The following MTMR14 variants were observed in gnomAD, a reference collection of about 807,000 sequenced individuals.
MTMR14 encodes the protein myotubularin related protein 14.
In MTMR14, 48 loss-of-function variants were observed where a neutral mutation model predicts 86.3. That is an observed-to-expected ratio of 0.56 (90% CI 0.44 to 0.71). The LOEUF is 0.71. MTMR14 is among the 30% of genes least tolerant of loss of function. The probability of loss-of-function intolerance (pLI) is 0.00; values close to 1 mark genes in which losing one functional copy is unlikely to be tolerated. For synonymous variants in MTMR14, 366 were observed against 326.1 expected (o/e 1.12, Z -1.32); for missense variants, 780 against 834.6 (o/e 0.93, Z 0.81).
At chr3:9,686,311 G>A (rs1012775697) in intron 13 of MTMR14, among the ~76,000 whole-genome samples, 15 of 152,276 alleles carry the variant, frequency 9.9e-5, no homozygotes, top group South Asian at 6.2e-4. Context: ...GGACTTTCCC[G>A]GAGCTCTGGG....
chr3:9,672,592 A>G (rs1041393659), intron 6 of MTMR14, 93 bp from the exon 7 acceptor site: 31 of 1,111,390 alleles, frequency 2.8e-5, no homozygotes, highest in Middle Eastern at 3.9e-4. Flanking sequence ...TTTTAGCAGA[A>G]GCTTCATTTG....
At chr3:9,673,880 A>T (rs2048709165) in intron 7 of MTMR14, among the ~76,000 whole-genome samples, 1 of 151,848 alleles carries the variant, frequency 6.6e-6, no homozygotes, top group Non-Finnish European at 1.5e-5. Flanking sequence ...GCTTCAGGGA[A>T]CCTCCTTTTC....
At chr3:9,673,565 C>A (rs1360735991) in intron 7 of MTMR14, among the ~76,000 whole-genome samples, 1 of 152,186 alleles carries the variant, frequency 6.6e-6, no homozygotes, top group Admixed American at 6.5e-5. Context: ...TTTCTCAGCA[C>A]CAGCATCTGC....
At chr3:9,653,389 C>G (rs1407788003) in intron 1 of MTMR14, among the ~76,000 whole-genome samples, 2 of 150,420 alleles carry the variant, frequency 1.3e-5, no homozygotes, top group African/African-American at 5.0e-5. Context: ...TGCTCAATAC[C>G]CACAATTTCA....
rs1272146015 is a variant in MTMR14 at position 9,678,173 on chromosome 3, C to T, written c.897+115C>T. The T allele has an allele frequency of 7.2e-6, 7 of 969,070 alleles. No individual in the cohort carries two copies. In the African/African-American group the frequency reaches 9.8e-5, roughly 14 times the overall value. 60.0% of individuals were successfully genotyped at this position (969,070 alleles called of 1,614,324 possible). On this transcript the variant is annotated intron_variant, in intron 9 of 18. Transcript: ENST00000296003. ...TTTGCCTGATGGGCTGGCTTGTGCA[C>T]TCAGATGCCTTTGGCCCTCTGTCCT...
intron 2 of MTMR14, among the ~76,000 whole-genome samples, chr3:9,661,017 T>G (rs2047899135): frequency 6.6e-6 from 1 of 152,196 alleles, no homozygotes; most frequent in Admixed American, 6.5e-5. Flanking sequence ...TTGCTGGAGC[T>G]AACTTCTAAA....
At chr3:9,666,139 T>TG (rs1163352454) in intron 3 of MTMR14, among the ~76,000 whole-genome samples, 1 of 148,062 alleles carries the variant, frequency 6.8e-6, no homozygotes, top group African/African-American at 2.6e-5. Context: ...GTTGGTTTTT[T>TG]TTTTTTTTTT....
chr3:9,655,751 A>T (rs2047565641), intron 2 of MTMR14, among the ~76,000 whole-genome samples: 1 of 150,616 alleles, frequency 6.6e-6, no homozygotes, highest in African/African-American at 2.4e-5. Flanking sequence ...GTGAGCCAGC[A>T]CACCCGGCCT....
chr3:9,690,189 C>G (rs1307384443), intron 17 of MTMR14, 46 bp downstream of exon 17: 8 of 1,604,032 alleles, frequency 5.0e-6, no homozygotes, highest in Non-Finnish European at 6.8e-6. Context: ...CTAGCTTTCC[C>G]CCTTAATAAG....
chr3:9,702,058 C>G lies in MTMR14; in HGVS notation c.*85C>G. Reference sequence around the variant, plus strand: ...AAAGCCATGCCTGGCCGAAGGGGTACTTCCAGGTCAGGGGAAATTTCAGTC... The same window carrying G: ...AAAGCCATGCCTGGCCGAAGGGGTAGTTCCAGGTCAGGGGAAATTTCAGTC... On this transcript the variant is annotated 3_prime_UTR_variant, in exon 19 of 19. Coordinates refer to ENST00000296003, the MANE Select transcript of MTMR14 (RefSeq NM_001077525.3). The G allele has an allele frequency of 6.4e-7, 1 of 1,561,134 alleles. No individual in the cohort carries two copies. The highest frequency in any genetic ancestry group is 8.8e-7 in the Non-Finnish European group (1 of 1,138,154).
intron 13 of MTMR14, among the ~76,000 whole-genome samples, chr3:9,686,948 C>T (rs887120668): frequency 7.2e-5 from 11 of 152,204 alleles, no homozygotes; most frequent in Non-Finnish European, 1.5e-5. Context: ...CTGCCTGTGC[C>T]CACCTCAAGC....
At chr3:9,691,375 A>G (rs1388357275) in intron 17 of MTMR14, among the ~76,000 whole-genome samples, 1 of 152,122 alleles carries the variant, frequency 6.6e-6, no homozygotes, top group Admixed American at 6.5e-5. Flanking sequence ...CTGCTGCCGC[A>G]CCACCCTTGT....
intron 17 of MTMR14, among the ~76,000 whole-genome samples, chr3:9,694,224 G>C (rs159147): frequency 6.6e-6 from 1 of 152,028 alleles, no homozygotes; most frequent in African/African-American, 2.4e-5. Flanking sequence ...CTGGGTTTCC[G>C]TCGTAGCTTT....
In MTMR14 at chr3:9,663,746, C is replaced by T. The variant is rs187855943; in HGVS notation, c.417+1371C>T. Among the ~76,000 whole-genome samples, 298 of 151,614 alleles carry T rather than the reference C, an allele frequency of 2.0e-3. 2 individuals carry two copies. The highest frequency in any genetic ancestry group is 2.5e-3 in the Non-Finnish European group (168 of 67,912). On this transcript the variant is annotated intron_variant, in intron 3 of 18. Coordinates refer to ENST00000296003, the MANE Select transcript of MTMR14 (RefSeq NM_001077525.3). ...GCCAGGATTGTCTCGATCTCCTGAC[C>T]TTGTGATCCTCCTGCCTCGGCCTCC...
chr3:9,663,706 G>A (rs2048082364), intron 3 of MTMR14, among the ~76,000 whole-genome samples: 1 of 150,494 alleles, frequency 6.6e-6, no homozygotes, highest in Non-Finnish European at 1.5e-5. Context: ...GTAGAGACGG[G>A]GCTTCACCGT....
rs2125403519 is a variant in MTMR14, at chr3:9,697,638, T to C, written c.1614-73T>C. On this transcript the variant is annotated intron_variant, in intron 17 of 18. Transcript: ENST00000296003. ...AGCAGCCAGGGCTGCGCTAGTCCCC[T>C]AGCCCCCTCCAGAGCCTGTGTCAGG... 4 of 1,559,182 alleles carry C rather than the reference T, an allele frequency of 2.6e-6. No homozygotes were observed. In the Admixed American group the frequency reaches 6.8e-5, roughly 27 times the overall value.
At chr3:9,680,777 C>T (rs570736520) in intron 9 of MTMR14, among the ~76,000 whole-genome samples, 51 of 152,300 alleles carry the variant, frequency 3.3e-4, no homozygotes, top group Admixed American at 1.3e-3. Context: ...GCGGAGCTTG[C>T]GGTGAGCTGA....
At chr3:9,682,231 A>G (rs571165980) in intron 9 of MTMR14, among the ~76,000 whole-genome samples, 1 of 152,320 alleles carries the variant, frequency 6.6e-6, no homozygotes, top group Non-Finnish European at 1.5e-5. Flanking sequence ...AGTCACTAAA[A>G]GTGGGTCAGA....
At chr3:9,658,878 A>G (rs913438644) in intron 2 of MTMR14, among the ~76,000 whole-genome samples, 2 of 152,256 alleles carry the variant, frequency 1.3e-5, no homozygotes, top group Non-Finnish European at 1.5e-5. Context: ...ATGTGATAAC[A>G]GCATTTTCTT....
Sources: gnomAD v4.1 joint callset for allele counts (sites outside exome capture counted in the v4.1 genomes callset) on GRCh38, gnomAD v4.1.1 for gene constraint, MANE v1.5 for transcripts, NCBI Gene and HGNC (gene_info 2026-07-23, HGNC 2026-07-21) for gene names.